CSMD1: variants seen among roughly 807,000 people sequenced by gnomAD.
The protein encoded by CSMD1 is CUB and Sushi multiple domains 1.
In CSMD1, 213 loss-of-function variants were observed where a neutral mutation model predicts 417.5. The observed-to-expected ratio is 0.51, with a 90% CI of 0.46 to 0.57. The LOEUF (loss-of-function observed/expected upper bound fraction) is 0.57. Among genes scored for constraint, CSMD1 ranks in the 20% least tolerant of loss-of-function variants. The pLI is 0.00. For synonymous variants in CSMD1, 2,862 were observed against 1,736.8 expected (o/e 1.65, Z -16.11); for missense variants, 6,923 against 4,529.7 (o/e 1.53, Z -15.17).
chr8:4,284,531 C>T (rs754723393), intron 3 of CSMD1, among the ~76,000 whole-genome samples: 28 of 152,200 alleles, frequency 1.8e-4, no homozygotes, highest in South Asian at 4.1e-4. Context: ...TAGGTTCTTG[C>T]GCGACACACT....
intron 7 of CSMD1, among the ~76,000 whole-genome samples, chr8:3,625,391 T>C (rs1382588441): frequency 1.3e-5 from 2 of 151,616 alleles, no homozygotes; most frequent in Non-Finnish European, 2.9e-5. Context: ...TTCCAAGTGT[T>C]TAACTTATTA....
Position 3,367,246 on chromosome 8 carries a change from T to C in CSMD1, c.2901A>G (p.Gly967=). 1 of 1,604,792 alleles carries C rather than the reference T, an allele frequency of 6.2e-7. No individual in the cohort carries two copies. The change falls in exon 20 of 70, where the codon GGA becomes GGG. Residue 967 remains glycine (G), a splice_region_variant and synonymous_variant. Coordinates refer to ENST00000635120, the MANE Select transcript of CSMD1 (RefSeq NM_033225.6). ...TWTIEVSHGK[G]VQMIFHTFHL... is the part of the protein sequence containing the mutation. ...GAAAGGTGTGAAAGATCATTTGAAC[T>C]CCTGAGAAATGAAGCCGGGGGAGAG... is the stretch of plus-strand genomic sequence containing the variant.
At chr8:4,862,276 C>T (rs985545426) in intron 1 of CSMD1, among the ~76,000 whole-genome samples, 22 of 152,052 alleles carry the variant, frequency 1.4e-4, no homozygotes, top group African/African-American at 5.3e-4. Flanking sequence ...TACTGGGAGC[C>T]TGTAAGTGAG....
chr8:3,578,320 G>T (rs1347853583), intron 9 of CSMD1, among the ~76,000 whole-genome samples: 6 of 152,082 alleles, frequency 3.9e-5, no homozygotes, highest in African/African-American at 1.4e-4. Flanking sequence ...GAGTGTCCTT[G>T]CTCAGGGAGC....
At chr8:3,226,910 C>G (rs1435966009) in intron 27 of CSMD1, among the ~76,000 whole-genome samples, 1 of 151,020 alleles carries the variant, frequency 6.6e-6, no homozygotes, top group African/African-American at 2.4e-5. Context: ...CAGGAAAGAA[C>G]AAATTCAAAC....
Position 4,653,814 on chromosome 8 carries a change from C to A in CSMD1, c.86-16256G>T, listed in dbSNP as rs193255333. Among the ~76,000 whole-genome samples, 10 of 152,240 alleles carry A rather than the reference C, an allele frequency of 6.6e-5. No individual in the cohort carries two copies. In the East Asian group the frequency reaches 1.9e-3, roughly 29 times the overall value. On this transcript the variant is annotated intron_variant, in intron 1 of 69. Transcript: ENST00000635120. ...TTTGAAGGGAGGCATTTGCAAATAA[C>A]TAATCTTTATCAAGTGCCATGCTTT...
At chr8:3,691,635 G>A (rs1389671930) in intron 7 of CSMD1, among the ~76,000 whole-genome samples, 3 of 152,120 alleles carry the variant, frequency 2.0e-5, no homozygotes, top group Non-Finnish European at 2.9e-5. Flanking sequence ...AACTGACAGT[G>A]TTCCTAAGTA....
intron 2 of CSMD1, among the ~76,000 whole-genome samples, chr8:4,479,093 A>G (rs1432818765): frequency 6.6e-6 from 1 of 152,176 alleles, no homozygotes; most frequent in African/African-American, 2.4e-5. Context: ...GAAATAAGAC[A>G]CAGTTATATC....
At chr8:3,718,208 T>C (rs1236591153) in intron 6 of CSMD1, among the ~76,000 whole-genome samples, 1 of 152,216 alleles carries the variant, frequency 6.6e-6, no homozygotes, top group African/African-American at 2.4e-5. Flanking sequence ...TCTTTCTTTT[T>C]TTAAAGTCTG....
chr8:3,787,028 T>G (rs2623667), intron 5 of CSMD1, among the ~76,000 whole-genome samples: 11,292 of 152,206 alleles, frequency 0.074, 614 homozygotes, highest in East Asian at 0.25. Flanking sequence ...CTAACTTAAG[T>G]AACTTCTATG....
rs189213495 is a variant in CSMD1 at position 4,666,051 on chromosome 8, A to C, written c.86-28493T>G. Among the ~76,000 whole-genome samples, 474 of 152,234 alleles carry C rather than the reference A, an allele frequency of 3.1e-3. 1 individual carries two copies. The highest frequency in any genetic ancestry group is 5.2e-3 in the Non-Finnish European group (351 of 68,024). ...TTTTTTTGTTTTTGCTTTAAGCCAT[A>C]GTAACTGGCACATAGGACAATCTCA... On this transcript the variant is annotated intron_variant, in intron 1 of 69. Coordinates refer to ENST00000635120, the MANE Select transcript of CSMD1 (RefSeq NM_033225.6).
In CSMD1 at chr8:4,972,890, A is replaced by G. The variant is rs185581353; in HGVS notation, c.85+21442T>C. Among the ~76,000 whole-genome samples the G allele has an allele frequency of 1.4e-3, 220 of 152,286 alleles. 2 individuals are homozygous for G. Among genetic ancestry groups the G allele is most frequent in the Middle Eastern group, 3.4e-3 (1 of 294 alleles). ...AATTACCTGCTAAATGAACATAGGTACTGGGACCTACCTTGTGGAGAGTAC... is the reference window on the plus strand; with the variant it reads ...AATTACCTGCTAAATGAACATAGGTGCTGGGACCTACCTTGTGGAGAGTAC... On this transcript the variant is annotated intron_variant, in intron 1 of 69. Coordinates refer to ENST00000635120, the MANE Select transcript of CSMD1 (RefSeq NM_033225.6).
At chr8:4,147,251 C>G (rs1380815817) in intron 3 of CSMD1, among the ~76,000 whole-genome samples, 1 of 152,176 alleles carries the variant, frequency 6.6e-6, no homozygotes, top group Non-Finnish European at 1.5e-5. Flanking sequence ...TACCTCGAAT[C>G]CTTCAGCGGC....
At chr8:3,884,802 T>C (rs996884589) in intron 5 of CSMD1, among the ~76,000 whole-genome samples, 1 of 151,970 alleles carries the variant, frequency 6.6e-6, no homozygotes, top group Non-Finnish European at 1.5e-5. Context: ...TACCTTTTGG[T>C]ACGCTACGCA....
At chr8:3,535,882 C>T (rs1225431428) in intron 10 of CSMD1, among the ~76,000 whole-genome samples, 2 of 152,162 alleles carry the variant, frequency 1.3e-5, no homozygotes, top group African/African-American at 4.8e-5. Flanking sequence ...GAACTCTAGG[C>T]TGGCCACTAA....
At chr8:4,378,906 C>G (rs928756416) in intron 3 of CSMD1, among the ~76,000 whole-genome samples, 3 of 152,176 alleles carry the variant, frequency 2.0e-5, no homozygotes, top group African/African-American at 7.2e-5. Flanking sequence ...ATGCTTGGGT[C>G]TTGGACTTCC....
chr8:3,862,866 A>G (rs1457130999), intron 5 of CSMD1, among the ~76,000 whole-genome samples: 1 of 152,158 alleles, frequency 6.6e-6, no homozygotes, highest in Admixed American at 6.5e-5. Flanking sequence ...CATTAGTTTT[A>G]TGCTATTATT....
At chr8:3,833,861 T>G (rs934931086) in intron 5 of CSMD1, among the ~76,000 whole-genome samples, 9 of 152,096 alleles carry the variant, frequency 5.9e-5, no homozygotes, top group Admixed American at 1.3e-4. Flanking sequence ...CTCCCAAACT[T>G]TGATTTGAAG....
chr8:3,922,354 AAATT>A (rs1392032769), intron 5 of CSMD1, among the ~76,000 whole-genome samples: 1 of 152,124 alleles, frequency 6.6e-6, no homozygotes, highest in African/African-American at 2.4e-5. Flanking sequence ...GATTAAAAAA[AAATT>A]AAGTAACTTA....
Sources: allele counts gnomAD v4.1 joint callset (sites outside exome capture counted in the v4.1 genomes callset), GRCh38; gene constraint gnomAD v4.1.1; transcripts MANE v1.5; gene names NCBI Gene and HGNC (gene_info 2026-07-23, HGNC 2026-07-21).